Variants in TTN observed in about 807,000 individuals in gnomAD.
TTN encodes connectin.
A neutral mutation model predicts 3,223.0 loss-of-function variants in TTN; 1,525 were observed. The observed-to-expected ratio is 0.47, with a 90% CI of 0.45 to 0.49. The LOEUF (loss-of-function observed/expected upper bound fraction) is 0.49. Ranked by LOEUF, TTN falls within the 20% of genes least tolerant of loss-of-function variation. The pLI, the probability that TTN is intolerant of heterozygous loss-of-function variation, is 0.00. For synonymous variants in TTN, 14,094 were observed against 15,161.0 expected (o/e 0.93, Z 5.17); for missense variants, 40,786 against 43,424.0 (o/e 0.94, Z 5.40).
intron 106 of TTN, among the ~76,000 whole-genome samples, chr2:178,702,872 C>T (rs1042120826): frequency 1.3e-5 from 2 of 151,984 alleles, no homozygotes; most frequent in Admixed American, 6.6e-5. Flanking sequence ...TCATGCTGGT[C>T]GAATGTAGCA....
chr2:178,615,669 A>T lies in TTN; in HGVS notation c.48432T>A (p.Asp16144Glu). 1 of 1,612,560 alleles carries T rather than the reference A, an allele frequency of 6.2e-7. No individual in the cohort carries two copies. The highest frequency in any genetic ancestry group is 8.5e-7 in the Non-Finnish European group (1 of 1,178,966). Residue 16144 changes from aspartate (D) to glutamate (E), a missense_variant, in exon 258 of 363, where the codon GAT becomes GAA. Physicochemically the swap from Asp to Glu is conservative, Grantham distance 45. Transcript: ENST00000589042. The stretch of plus-strand genomic sequence containing the variant: ...CAGGAGTTGACATATTTACAGGTTC[A>T]TCAACATATGCAGGTTCTCCAGGGC... ...KCGPGEPAYV[D>E]EPVNMSTPAT...
Position 178,568,196 on chromosome 2 carries a change from G to A in TTN, c.77936C>T (p.Ser25979Phe). 6.2e-7 allele frequency: 1 copy of A among 1,613,500 alleles called. No individual in the cohort carries two copies. Among genetic ancestry groups the A allele is most frequent in the Non-Finnish European group, 8.5e-7 (1 of 1,179,600 alleles). ...NRYGQSFALESDPIVAQYPYK... is the reference protein window; with the variant it reads ...NRYGQSFALEFDPIVAQYPYK... ...GGGATATTGAGCTACAATTGGATCA[G>A]ACTCTAAGGCAAAGCTTTGTCCATA... The change falls in exon 326 of 363, where the codon TCT becomes TTT. Residue 25979 changes from serine to phenylalanine, a missense_variant. Ser to Phe is a radical substitution (Grantham distance 155, BLOSUM62 -2). Transcript: ENST00000589042.
chr2:178,610,920 T>C, intron 270 of TTN, 73 bp downstream of exon 270: 2 of 1,570,616 alleles, frequency 1.3e-6, no homozygotes, highest in African/African-American at 2.7e-5. Context: ...ATTATATTAT[T>C]AATAGCACTG....
rs150685285 is a variant in TTN at position 178,690,514 on chromosome 2, C to T, written c.31763-618G>A. Among the ~76,000 whole-genome samples the T allele has an allele frequency of 4.4e-3, 661 of 151,270 alleles. 9 individuals carry two copies. The highest frequency in any genetic ancestry group is 0.034 in the South Asian group (162 of 4,802). On this transcript the variant is annotated intron_variant, in intron 121 of 362. Transcript: ENST00000589042. ...GTATGTGTATTTGTGCTTTTTTTTT[C>T]TAAGGGGCTCTAGAGTTTTGAACAG... is the stretch of plus-strand genomic sequence containing the variant.
chr2:178,527,939 T>C (rs1044361662), intron 361 of TTN, 191 bp from the exon 362 acceptor site: 10 of 565,122 alleles, frequency 1.8e-5, no homozygotes, highest in Non-Finnish European at 3.0e-5. Context: ...CTCCAAAACA[T>C]GAATCCTTAT....
intron 136 of TTN, 95 bp from the exon 137 acceptor site, chr2:178,681,545 T>A: frequency 6.9e-7 from 1 of 1,456,600 alleles, no homozygotes; most frequent in Non-Finnish European, 9.4e-7. Context: ...TACAACATAA[T>A]ATTCCCAAAC....
Position 178,688,025 on chromosome 2 carries a change from C to T in TTN, c.32311+86G>A. The T allele has an allele frequency of 3.7e-6, 4 of 1,083,848 alleles. No individual in the cohort carries two copies. In the Admixed American group the frequency reaches 6.6e-5, roughly 18 times the overall value. The allele number at this position is 1,083,848 out of a possible 1,614,324, so 67.1% of individuals were successfully genotyped here. A position where few individuals can be genotyped will look rare whatever the true frequency, so the allele number is the denominator to read the frequency against. Reference sequence around the variant, plus strand: ...CTGAATTTGTGTCACTTTTTTCTGTCTCTTTTCATTGGTCTGTAGACAATT... The same window carrying T: ...CTGAATTTGTGTCACTTTTTTCTGTTTCTTTTCATTGGTCTGTAGACAATT... On this transcript the variant is annotated intron_variant, in intron 127 of 362. Coordinates refer to ENST00000589042, the MANE Select transcript of TTN (RefSeq NM_001267550.2).
At position 178,579,091 on chromosome 2, in the gene TTN, G is replaced by C; in HGVS notation, c.67939C>G (p.Pro22647Ala). The C allele has an allele frequency of 1.2e-6, 2 of 1,613,336 alleles. No homozygotes were observed. Among genetic ancestry groups the C allele is most frequent in the South Asian group, 2.2e-5 (2 of 91,070 alleles). ...SIKVVGKPGI[P>A]TGPIKFDEVT... The stretch of plus-strand genomic sequence containing the variant: ...TCATCAAATTTGATTGGTCCAGTGG[G>C]GATGCCAGGCTTGCCAACAACCTTT... The change falls in exon 320 of 363, where the codon CCC (proline) becomes GCC (alanine). Residue 22647 changes from proline to alanine, a missense_variant. Pro to Ala is a conservative substitution (Grantham distance 27). Coordinates refer to ENST00000589042, the MANE Select transcript of TTN (RefSeq NM_001267550.2).
rs1409816119 is a variant in TTN, at chr2:178,568,569, G to A, written c.77563C>T (p.Leu25855Phe). 1 of 1,613,440 alleles carries A rather than the reference G, an allele frequency of 6.2e-7. No individual in the cohort carries two copies. Residue 25855 changes from leucine (L) to phenylalanine (F), a missense_variant, in exon 326 of 363, where the codon CTC (leucine) becomes TTC (phenylalanine). By Grantham distance (22) the Leu-to-Phe change is conservative. Coordinates refer to ENST00000589042, the MANE Select transcript of TTN (RefSeq NM_001267550.2). ...TCCTTATGAGTTTCTTTAATACTGA[G>A]TGTGGTGAGATCCAGTGAATCGGTA... Reference protein sequence around the residue: ...NVTDSLDLTTLSIKETHKDDG... With the variant: ...NVTDSLDLTTFSIKETHKDDG...
Position 178,714,620 on chromosome 2 carries a change from A to G in TTN, c.26201-47T>C, listed in dbSNP as rs1369947674. On this transcript the variant is annotated intron_variant, in intron 90 of 362. Coordinates refer to ENST00000589042, the MANE Select transcript of TTN (RefSeq NM_001267550.2). ...CTGGGTTTTAAAATTTGTGAGACTG[A>G]CAGCATTTTGCTCAAATCGTGAATG... The G allele has an allele frequency of 2.6e-6, 4 of 1,529,930 alleles. No individual in the cohort carries two copies. The African/African-American group carries it at 4.2e-5, about 16-fold the overall frequency. The allele number at this position is 1,529,930 out of a possible 1,614,324, so 94.8% of individuals were successfully genotyped here. A position where few individuals can be genotyped will look rare whatever the true frequency, so the allele number is the denominator to read the frequency against.
intron 118 of TTN, 54 bp from the exon 119 acceptor site, chr2:178,693,743 G>T: frequency 7.2e-7 from 1 of 1,382,160 alleles, no homozygotes; most frequent in Non-Finnish European, 1.0e-6. Context: ...GGTGGTAATT[G>T]TAATTTACAA....
chr2:178,783,775 G>C lies in TTN; in HGVS notation c.2786C>G (p.Thr929Arg). The change falls in exon 17 of 363, where the codon ACA becomes AGA. Residue 929 changes from threonine to arginine, a missense_variant. Coordinates refer to ENST00000589042, the MANE Select transcript of TTN (RefSeq NM_001267550.2). ...LHGREAKVTE[T>R]ARVPAPVEIP... ...TTCAACAGGTGCTGGTACTCTTGCT[G>C]TTTCTGTTACCTAGATTTTTACAAA... 1 of 1,613,056 alleles carries C rather than the reference G, an allele frequency of 6.2e-7. No individual in the cohort carries two copies. Among genetic ancestry groups the C allele is most frequent in the Non-Finnish European group, 8.5e-7 (1 of 1,179,608 alleles).
chr2:178,734,268 T>C lies in TTN; in HGVS notation c.15496+60A>G, dbSNP rs1560834779. 2.0e-6 allele frequency: 3 copies of C among 1,483,182 alleles called. No individual in the cohort carries two copies. In the South Asian group the frequency reaches 4.4e-5, roughly 22 times the overall value. 91.9% of individuals were successfully genotyped at this position (1,483,182 alleles called of 1,614,324 possible). On this transcript the variant is annotated intron_variant, in intron 52 of 362. Coordinates refer to ENST00000589042, the MANE Select transcript of TTN (RefSeq NM_001267550.2). ...GAAGAAAGTACCAGTTTTTCTTCCA[T>C]GGGGTAAGAAAGCTAGTTTGACAAT...
intron 13 of TTN, among the ~76,000 whole-genome samples, chr2:178,786,625 A>T (rs2154352019): frequency 6.6e-6 from 1 of 152,338 alleles, no homozygotes; most frequent in African/African-American, 2.4e-5. Flanking sequence ...CTACAGAGTT[A>T]TATGGTTGCA....
intron 213 of TTN, among the ~76,000 whole-genome samples, chr2:178,648,023 C>A (rs2062298322): frequency 6.6e-6 from 1 of 152,112 alleles, no homozygotes; most frequent in African/African-American, 2.4e-5. Context: ...GTCCCCCTTT[C>A]CATTTCTGCC....
intron 45 of TTN, among the ~76,000 whole-genome samples, chr2:178,757,037 G>C (rs1574380324): frequency 6.6e-6 from 1 of 151,966 alleles, no homozygotes; most frequent in Admixed American, 6.5e-5. Context: ...GCAGTATCTG[G>C]TTCCTTCTTT....
intron 317 of TTN, 31 bp downstream of exon 317, chr2:178,580,289 AAT>A: frequency 6.2e-7 from 1 of 1,604,942 alleles, no homozygotes; most frequent in Admixed American, 1.7e-5. Flanking sequence ...GCTATTTTAA[AAT>A]ATATATGATT....
intron 20 of TTN, 118 bp downstream of exon 20, chr2:178,782,094 A>G: frequency 8.3e-7 from 1 of 1,200,356 alleles, no homozygotes; most frequent in South Asian, 1.4e-5. Flanking sequence ...ACAAACTAAG[A>G]AGGCTCCACA....
chr2:178,572,331 T>C lies in TTN; in HGVS notation c.73801A>G (p.Ile24601Val). The C allele has an allele frequency of 6.2e-7, 1 of 1,611,624 alleles. No individual in the cohort carries two copies. The highest frequency in any genetic ancestry group is 8.5e-7 in the Non-Finnish European group (1 of 1,178,004). Residue 24601 changes from isoleucine to valine, a missense_variant, in exon 326 of 363, where the codon ATT (isoleucine) becomes GTT (valine). Coordinates refer to ENST00000589042, the MANE Select transcript of TTN (RefSeq NM_001267550.2). Reference sequence around the variant, plus strand: ...TCTGCGGTTTCAGCAGGCAGCCCAATGCCATATTCATTTTCTGCGAGAACC... The same window carrying C: ...TCTGCGGTTTCAGCAGGCAGCCCAACGCCATATTCATTTTCTGCGAGAACC... ...FRVLAENEYG[I>V]GLPAETAESV...
Sources: allele counts gnomAD v4.1 joint callset (sites outside exome capture counted in the v4.1 genomes callset), GRCh38; gene constraint gnomAD v4.1.1; transcripts MANE v1.5; gene names NCBI Gene and HGNC (gene_info 2026-07-23, HGNC 2026-07-21).